DYNC1I1: variants seen among roughly 807,000 people sequenced by gnomAD.
DYNC1I1 encodes cytoplasmic dynein 1 intermediate chain 1.
In DYNC1I1, 43 loss-of-function variants were observed where a neutral mutation model predicts 86.6. The ratio of observed to expected loss-of-function variants is 0.50; its 90% CI spans 0.39 to 0.64. The LOEUF (loss-of-function observed/expected upper bound fraction) is 0.64, where lower values mean the gene tolerates loss of function less well. Ranked by LOEUF, DYNC1I1 falls within the 30% of genes least tolerant of loss-of-function variation. The probability of loss-of-function intolerance (pLI) is 0.00; values close to 1 mark genes in which losing one functional copy is unlikely to be tolerated. For synonymous variants in DYNC1I1, 262 were observed against 283.7 expected, an observed-to-expected ratio of 0.92 and a Z score of 0.77; for missense variants, 604 against 788.8, an observed-to-expected ratio of 0.77 and a Z score of 2.81.
At chr7:95,786,350 G>T (rs1404980731) in intron 1 of DYNC1I1, among the ~76,000 whole-genome samples, 2 of 152,150 alleles carry the variant, frequency 1.3e-5, no homozygotes, top group African/African-American at 4.8e-5. Flanking sequence ...GGCTCTCACT[G>T]CTCCTCCTTT....
At chr7:95,783,721 G>T (rs1447678371) in intron 1 of DYNC1I1, among the ~76,000 whole-genome samples, 4 of 152,124 alleles carry the variant, frequency 2.6e-5, no homozygotes, top group Non-Finnish European at 5.9e-5. Flanking sequence ...TTTTGGACCT[G>T]ATTTGATAAC....
At chr7:96,101,945 C>A (rs1791143183), downstream of DYNC1I1, among the ~76,000 whole-genome samples, 1 of 152,046 alleles carries the variant, frequency 6.6e-6, no homozygotes, top group African/African-American at 2.4e-5. Flanking sequence ...TATAATATAT[C>A]TATTTAATAA....
At chr7:95,863,797 C>T (rs1488504) in intron 5 of DYNC1I1, among the ~76,000 whole-genome samples, 110,480 of 151,978 alleles carry the variant, frequency 0.73, 41,696 homozygotes, top group Non-Finnish European at 0.84. Flanking sequence ...TGTTTATGGT[C>T]CTGAAAGGAA....
chr7:95,996,337 C>T (rs1487170503), intron 10 of DYNC1I1, among the ~76,000 whole-genome samples: 14 of 152,262 alleles, frequency 9.2e-5, no homozygotes, highest in Non-Finnish European at 4.4e-5. Flanking sequence ...ATAAAGACCT[C>T]GCACTTATGA....
intron 5 of DYNC1I1, among the ~76,000 whole-genome samples, chr7:95,862,110 A>G (rs1415622330): frequency 6.6e-6 from 1 of 152,200 alleles, no homozygotes; most frequent in Non-Finnish European, 1.5e-5. Context: ...GAGAAAACAT[A>G]GGTTTAAGTC....
chr7:95,892,128 C>G (rs944864027), intron 6 of DYNC1I1, among the ~76,000 whole-genome samples: 1 of 151,884 alleles, frequency 6.6e-6, no homozygotes, highest in African/African-American at 2.4e-5. Context: ...CCACCATGCC[C>G]AGCTAATTTT....
intron 14 of DYNC1I1, among the ~76,000 whole-genome samples, chr7:96,063,048 G>C (rs556442073): frequency 6.6e-6 from 1 of 151,996 alleles, no homozygotes; most frequent in African/African-American, 2.4e-5. Context: ...GTTGAAAAGA[G>C]GCTCTGCTGT....
chr7:96,082,791 A>G (rs1465456389), intron 16 of DYNC1I1, among the ~76,000 whole-genome samples: 2 of 152,218 alleles, frequency 1.3e-5, no homozygotes, highest in Admixed American at 1.3e-4. Context: ...TGATTTTACA[A>G]AAGTTACTTT....
intron 6 of DYNC1I1, among the ~76,000 whole-genome samples, chr7:95,960,044 T>C (rs1362111478): frequency 6.6e-6 from 1 of 152,194 alleles, no homozygotes; most frequent in Non-Finnish European, 1.5e-5. Context: ...CAGGAGATCA[T>C]ATATTGTAAG....
intron 6 of DYNC1I1, among the ~76,000 whole-genome samples, chr7:95,938,157 T>C (rs908679382): frequency 1.3e-5 from 2 of 152,186 alleles, no homozygotes; most frequent in East Asian, 3.8e-4. Context: ...TTCCTCTCAT[T>C]TGCATTAGCC....
At chr7:95,902,305 G>C (rs1791059614) in intron 6 of DYNC1I1, among the ~76,000 whole-genome samples, 1 of 152,060 alleles carries the variant, frequency 6.6e-6, no homozygotes, top group Admixed American at 6.6e-5. Context: ...ACTAAAATAT[G>C]TCTGTCTAGG....
chr7:95,901,566 C>G (rs1389927997), intron 6 of DYNC1I1, among the ~76,000 whole-genome samples: 1 of 152,174 alleles, frequency 6.6e-6, no homozygotes, highest in Non-Finnish European at 1.5e-5. Flanking sequence ...CTCTCCAACC[C>G]AAGTGTGGCT....
In DYNC1I1 at chr7:95,896,104, G is replaced by T. The variant is rs556705886; in HGVS notation, c.490+26106G>T. On this transcript the variant is annotated intron_variant, in intron 6 of 16. Transcript: ENST00000447467. The stretch of plus-strand genomic sequence containing the variant: ...GGCTGCTACAGAGTAACTAGGGTTG[G>T]CAATAGCTTGCTTGTTGATGGCCAC... 6.6e-5 allele frequency among the ~76,000 whole-genome samples: 10 copies of T among 152,330 alleles called. No homozygotes were observed. In the East Asian group the frequency reaches 1.5e-3, roughly 23 times the overall value.
In DYNC1I1 at chr7:95,920,453, T is replaced by C. The variant is rs534840100; in HGVS notation, c.490+50455T>C. 5.1e-4 allele frequency among the ~76,000 whole-genome samples: 77 copies of C among 152,226 alleles called. 1 individual carries two copies. The highest frequency in any genetic ancestry group is 5.0e-3 in the Admixed American group (77 of 15,284). On this transcript the variant is annotated intron_variant, in intron 6 of 16. Transcript: ENST00000447467. Reference sequence around the variant, plus strand: ...AGATCCTGGAACAGAAGAAGGACATTAGGTAAAAATTAAGAATTGTAAGTA... The same window carrying C: ...AGATCCTGGAACAGAAGAAGGACATCAGGTAAAAATTAAGAATTGTAAGTA...
At chr7:95,870,690 C>T (rs1459953308) in intron 6 of DYNC1I1, among the ~76,000 whole-genome samples, 1 of 152,124 alleles carries the variant, frequency 6.6e-6, no homozygotes, top group Non-Finnish European at 1.5e-5. Context: ...TTTGTGTATG[C>T]CAGAAAAATA....
chr7:95,888,036 G>T (rs974708190), intron 6 of DYNC1I1, among the ~76,000 whole-genome samples: 1 of 152,088 alleles, frequency 6.6e-6, no homozygotes, highest in East Asian at 1.9e-4. Flanking sequence ...ATAATTTTAG[G>T]CCACTTCACC....
At chr7:95,846,617 A>ATT (rs1789433072) in intron 5 of DYNC1I1, among the ~76,000 whole-genome samples, 3 of 121,390 alleles carry the variant, frequency 2.5e-5, no homozygotes, top group Non-Finnish European at 5.0e-5. Flanking sequence ...TAAATGATAA[A>ATT]TCTCTCTCTC....
chr7:96,067,661 C>T (rs565256412), intron 14 of DYNC1I1, among the ~76,000 whole-genome samples: 37 of 152,136 alleles, frequency 2.4e-4, no homozygotes, highest in African/African-American at 7.0e-4. Context: ...TTTATGCAGA[C>T]GTGTGAATAA....
chr7:95,888,317 G>A (rs928079356), intron 6 of DYNC1I1, among the ~76,000 whole-genome samples: 1 of 152,038 alleles, frequency 6.6e-6, no homozygotes, highest in Non-Finnish European at 1.5e-5. Context: ...CACGCCTGTA[G>A]TCCCAGCTAC....
Sources: allele counts gnomAD v4.1 joint callset (sites outside exome capture counted in the v4.1 genomes callset), GRCh38; gene constraint gnomAD v4.1.1; transcripts MANE v1.5; gene names NCBI Gene and HGNC (gene_info 2026-07-23, HGNC 2026-07-21).